PAM: variants seen among roughly 807,000 people sequenced by gnomAD.
PAM encodes the protein peptidyl-glycine alpha-amidating monooxygenase.
A neutral mutation model predicts 122.1 loss-of-function variants in PAM; 72 were observed. The ratio of observed to expected loss-of-function variants is 0.59; its 90% CI spans 0.49 to 0.72. The LOEUF (loss-of-function observed/expected upper bound fraction) is 0.72, where lower values mean the gene tolerates loss of function less well. Ranked by LOEUF, PAM falls within the 30% of genes least tolerant of loss-of-function variation. The pLI, the probability that PAM is intolerant of heterozygous loss-of-function variation, is 0.00. For missense variants in PAM, 1,106 were observed against 1,183.7 expected, an observed-to-expected ratio of 0.93 and a Z score of 0.96; for synonymous variants, 389 against 404.4, an observed-to-expected ratio of 0.96 and a Z score of 0.46.
At chr5:103,005,302 G>A in intron 18 of PAM, 76 bp downstream of exon 18, 1 of 846,832 alleles carries the variant, frequency 1.2e-6, no homozygotes, top group Admixed American at 2.0e-5. Context: ...AGTTGTATGG[G>A]TTTTTTGTTT....
chr5:102,791,966 G>A (rs952346148), intron 1 of PAM, among the ~76,000 whole-genome samples: 4 of 151,984 alleles, frequency 2.6e-5, no homozygotes, highest in Non-Finnish European at 5.9e-5. Flanking sequence ...ATCTTTACTG[G>A]GCAATATACA....
chr5:102,957,250 C>G (rs1335999668), intron 12 of PAM, among the ~76,000 whole-genome samples: 1 of 152,146 alleles, frequency 6.6e-6, no homozygotes, highest in Non-Finnish European at 1.5e-5. Context: ...ATTGGTCATT[C>G]TTAAACAATA....
chr5:102,780,749 CTTTCTCTTTCTTTCTTTCTT>C (rs1400049297), intron 1 of PAM, among the ~76,000 whole-genome samples: 169 of 149,370 alleles, frequency 1.1e-3, no homozygotes, highest in East Asian at 6.0e-3. Context: ...CTTTTTCTTT[CTTTCTCTTTCTTTCTTTCTT>C]TCTTTCTTTC....
intron 1 of PAM, among the ~76,000 whole-genome samples, chr5:102,814,498 C>T (rs764220665): frequency 1.3e-4 from 19 of 148,828 alleles, no homozygotes; most frequent in Non-Finnish European, 2.5e-4. Context: ...AAGCCAAAAG[C>T]GTCTCTCTCT....
At position 102,795,230 on chromosome 5, in the gene PAM, A is replaced by G. The variant is rs536286741; in HGVS notation, c.-374+39882A>G. Among the ~76,000 whole-genome samples, 69 of 151,760 alleles carry G rather than the reference A, an allele frequency of 4.5e-4. 1 individual carries two copies. Among genetic ancestry groups the G allele is most frequent in the African/African-American group, 1.5e-3 (63 of 41,436 alleles). On this transcript the variant is annotated intron_variant, in intron 1 of 25. Transcript: ENST00000438793. ...AAAAAAAAGAAGAGAAGAAAAAGAAAAAGAAAAGTGCTTGGAATGGGAGAT... is the reference window on the plus strand; with the variant it reads ...AAAAAAAAGAAGAGAAGAAAAAGAAGAAGAAAAGTGCTTGGAATGGGAGAT...
At chr5:102,976,793 G>T (rs1044483319) in intron 15 of PAM, among the ~76,000 whole-genome samples, 1 of 152,164 alleles carries the variant, frequency 6.6e-6, no homozygotes, top group Non-Finnish European at 1.5e-5. Flanking sequence ...AAGTTAACCT[G>T]TTTGAATGAG....
At chr5:102,808,252 A>G (rs974137707) in intron 1 of PAM, 5 of 152,222 alleles carry the variant, frequency 3.3e-5, no homozygotes, top group Non-Finnish European at 5.9e-5. Flanking sequence ...TGTTTTGCAT[A>G]TTGAAGAATT....
Position 102,867,324 on chromosome 5 carries a change from A to T in PAM, c.141A>T (p.Arg47Ser). 1 of 1,604,302 alleles carries T rather than the reference A, an allele frequency of 6.2e-7. No homozygotes were observed. The highest frequency in any genetic ancestry group is 8.5e-7 in the Non-Finnish European group (1 of 1,171,242). ...CCAATGAATGTCTTGGTACCACCAG[A>T]CCCGTAGTTCCTATTGATTCATCAG... ...PFSNECLGTT[R>S]PVVPIDSSDF... The change falls in exon 3 of 26, where the codon AGA (arginine) becomes AGT (serine). Residue 47 changes from arginine (R) to serine (S), a missense_variant. By Grantham distance (110) the Arg-to-Ser change is moderately radical. Coordinates refer to ENST00000438793, the MANE Select transcript of PAM (RefSeq NM_001177306.2).
intron 1 of PAM, among the ~76,000 whole-genome samples, chr5:102,862,665 G>A (rs1211968174): frequency 6.6e-6 from 1 of 152,144 alleles, no homozygotes; most frequent in East Asian, 1.9e-4. Context: ...TATATTTGTT[G>A]CAACAACAAT....
At position 102,990,354 on chromosome 5, in the gene PAM, G is replaced by C. The variant is rs779949733; in HGVS notation, c.1566G>C (p.Lys522Asn). 10 of 1,609,438 alleles carry C rather than the reference G, an allele frequency of 6.2e-6. No homozygotes were observed. The change falls in exon 16 of 26, where the codon AAG (lysine) becomes AAC (asparagine). Residue 522 changes from lysine to asparagine, a missense_variant. Around this residue, in one of 3 missense-constraint regions of PAM, gnomAD observed 670 missense variants for 690.3 expected, o/e 0.97. Transcript: ENST00000438793. ...GQVSGVALDP[K>N]NNLVIFHRGD... is the part of the protein sequence containing the mutation. ...TTTCTGGGGTGGCTCTAGACCCTAA[G>C]AATAACCTGGTGATTTTCCACAGAG...
intron 17 of PAM, 31 bp downstream of exon 17, chr5:103,003,180 T>C: frequency 1.1e-6 from 1 of 928,706 alleles, no homozygotes; most frequent in East Asian, 2.4e-5. Context: ...TGTTAAGACT[T>C]GTACTACATA....
intron 7 of PAM, among the ~76,000 whole-genome samples, chr5:102,935,105 GA>G (rs1554126581): frequency 6.6e-6 from 1 of 151,718 alleles, no homozygotes; most frequent in Non-Finnish European, 1.5e-5. Flanking sequence ...CCCTACTATT[GA>G]AAAAAATTGA....
intron 1 of PAM, among the ~76,000 whole-genome samples, chr5:102,788,453 T>C (rs1561449954): frequency 6.6e-6 from 1 of 152,144 alleles, no homozygotes. Flanking sequence ...TGATAGAAAC[T>C]ACGTTTCTCT....
intron 3 of PAM, among the ~76,000 whole-genome samples, chr5:102,883,011 G>A (rs1269902293): frequency 1.3e-5 from 2 of 151,254 alleles, no homozygotes; most frequent in East Asian, 1.9e-4. Flanking sequence ...TTGCTTTGTC[G>A]AAGATCAGTT....
intron 1 of PAM, among the ~76,000 whole-genome samples, chr5:102,790,454 A>G (rs1352961931): frequency 6.6e-6 from 1 of 152,054 alleles, no homozygotes; most frequent in Non-Finnish European, 1.5e-5. Flanking sequence ...TTATTTTACA[A>G]TGACAGTAGC....
At chr5:102,921,101 T>C (rs2151665759) in intron 5 of PAM, among the ~76,000 whole-genome samples, 1 of 152,260 alleles carries the variant, frequency 6.6e-6, no homozygotes, top group East Asian at 1.9e-4. Context: ...TTACTATGAA[T>C]ACTAAGAAAC....
At chr5:102,964,918 A>G (rs1223005674) in intron 14 of PAM, among the ~76,000 whole-genome samples, 1 of 151,868 alleles carries the variant, frequency 6.6e-6, no homozygotes, top group Non-Finnish European at 1.5e-5. Context: ...TTTGCATATA[A>G]GGGAGTTTAT....
chr5:102,889,203 C>G (rs1248863059), intron 3 of PAM, among the ~76,000 whole-genome samples: 1 of 151,914 alleles, frequency 6.6e-6, no homozygotes, highest in Non-Finnish European at 1.5e-5. Context: ...CATTAATGGG[C>G]TCCCTTGCTC....
At chr5:102,944,494 G>C (rs1196455626) in intron 7 of PAM, among the ~76,000 whole-genome samples, 1 of 152,164 alleles carries the variant, frequency 6.6e-6, no homozygotes, top group Non-Finnish European at 1.5e-5. Context: ...TAGGACTTTT[G>C]CATGATAATG....
Sources: gnomAD v4.1 joint callset for allele counts (sites outside exome capture counted in the v4.1 genomes callset) on GRCh38, gnomAD v4.1.1 for gene constraint, gnomAD v4.1.1 regional missense constraint, MANE v1.5 for transcripts, NCBI Gene and HGNC (gene_info 2026-07-23, HGNC 2026-07-21) for gene names.